The following SLC5A3 variants were observed in gnomAD, a reference collection of about 807,000 sequenced individuals.
The protein encoded by SLC5A3 is solute carrier family 5 member 3.
A neutral mutation model predicts 43.2 loss-of-function variants in SLC5A3; 10 were observed. The ratio of observed to expected loss-of-function variants is 0.23; its 90% confidence interval spans 0.14 to 0.39. The LOEUF (loss-of-function observed/expected upper bound fraction) is 0.39, where lower values mean the gene tolerates loss of function less well. SLC5A3 is among the 10% of genes least tolerant of loss of function. The probability of loss-of-function intolerance (pLI) is 1.00; values close to 1 mark genes in which losing one functional copy is unlikely to be tolerated. For synonymous variants in SLC5A3, 349 were observed against 322.0 expected, an observed-to-expected ratio of 1.08 and a Z score of -0.90; for missense variants, 608 against 893.4, an observed-to-expected ratio of 0.68 and a Z score of 4.07.
chr21:34,084,009 C>T (rs2148654508), intron 1 of SLC5A3, among the ~76,000 whole-genome samples: 1 of 152,300 alleles, frequency 6.6e-6, no homozygotes, highest in South Asian at 2.1e-4. Context: ...AATCCAGCTG[C>T]CTTTATAATC....
rs777700354 is a variant in SLC5A3, at chr21:34,102,068, T to C, written c.*4713T>C. On this transcript the variant is annotated 3_prime_UTR_variant, in exon 2 of 2. Transcript: ENST00000381151. ...GGATTGTGAAAAGGTAATCTTTCGA[T>C]TGCTAGACTTGGTTAACTTAGGGCT... 26 of 999,932 alleles carry C rather than the reference T, an allele frequency of 2.6e-5. No homozygotes were observed. The highest frequency in any genetic ancestry group is 2.9e-5 in the Non-Finnish European group (24 of 829,814). The allele number at this position is 999,932 out of a possible 1,614,324, so 61.9% of individuals were successfully genotyped here.
intron 1 of SLC5A3, among the ~76,000 whole-genome samples, chr21:34,076,350 C>T (rs1238804074): frequency 6.6e-6 from 1 of 152,136 alleles, no homozygotes; most frequent in Admixed American, 6.5e-5. Context: ...AATACAGGCC[C>T]TGTGTTGGCT....
rs1391534664 is a variant in SLC5A3 at position 34,106,190 on chromosome 21, C to CTG, written c.*8836_*8837dup. 2.4e-4 allele frequency: 236 copies of CTG among 979,650 alleles called. No homozygotes were observed. Among genetic ancestry groups the CTG allele is most frequent in the Non-Finnish European group, 2.7e-5 (22 of 811,222 alleles). 60.7% of individuals were successfully genotyped at this position (979,650 alleles called of 1,614,324 possible). On this transcript the variant is annotated 3_prime_UTR_variant, in exon 2 of 2. Transcript: ENST00000381151. ...CTTTCTGTGGTATTTTGTCCTGTAA[C>CTG]TGAAGTATAGTAATTATTTTATGGA...
At chr21:34,092,769 C>G (rs531530878) in intron 1 of SLC5A3, among the ~76,000 whole-genome samples, 8 of 152,166 alleles carry the variant, frequency 5.3e-5, no homozygotes, top group Non-Finnish European at 1.2e-4. Flanking sequence ...CTATTTCCCC[C>G]CCAACGGCCA....
rs767076797 is a variant in SLC5A3, at chr21:34,104,044, A to G, written c.*6689A>G. The G allele has an allele frequency of 1.0e-4, 100 of 1,000,034 alleles. No individual in the cohort carries two copies. The highest frequency in any genetic ancestry group is 6.8e-4 in the Admixed American group (11 of 16,248). The allele number at this position is 1,000,034 out of a possible 1,614,324, so 61.9% of individuals were successfully genotyped here. The stretch of plus-strand genomic sequence containing the variant: ...ACAGTGCCCCCCCAAACATGCAGAA[A>G]GTCATACTTTAACAGGGCAAATACT... On this transcript the variant is annotated 3_prime_UTR_variant, in exon 2 of 2. Coordinates refer to ENST00000381151, the MANE Select transcript of SLC5A3 (RefSeq NM_006933.7).
intron 1 of SLC5A3, among the ~76,000 whole-genome samples, chr21:34,092,811 T>C (rs551537819): frequency 2.0e-5 from 3 of 152,252 alleles, no homozygotes; most frequent in East Asian, 3.9e-4. Context: ...TGTGTTTTTC[T>C]CTCCCTTCTT....
chr21:34,081,571 G>A (rs1989460120), intron 1 of SLC5A3, among the ~76,000 whole-genome samples: 1 of 152,168 alleles, frequency 6.6e-6, no homozygotes, highest in Admixed American at 6.5e-5. Context: ...AGACTAGAAG[G>A]AGCTTTAGAG....
Position 34,099,100 on chromosome 21 carries a change from A to C in SLC5A3, c.*1745A>C. On this transcript the variant is annotated 3_prime_UTR_variant, in exon 2 of 2. Coordinates refer to ENST00000381151, the MANE Select transcript of SLC5A3 (RefSeq NM_006933.7). The stretch of plus-strand genomic sequence containing the variant: ...GGTAGCATAGTGTCTTCCCATGATC[A>C]GGAGGCTTTCTGAAGGACTGAGTCT... 1.0e-6 allele frequency: 1 copy of C among 999,792 alleles called. No homozygotes were observed. The highest frequency in any genetic ancestry group is 1.7e-5 in the African/African-American group (1 of 57,354). 61.9% of individuals were successfully genotyped at this position (999,792 alleles called of 1,614,324 possible). A position where few individuals can be genotyped will look rare whatever the true frequency, so the allele number is the denominator to read the frequency against.
intron 1 of SLC5A3, 122 bp downstream of exon 1, chr21:34,073,867 CG>C: frequency 2.1e-6 from 1 of 466,018 alleles, no homozygotes. Context: ...CGGAGGAGGC[CG>C]GGGCGGCGGG....
Position 34,100,842 on chromosome 21 carries a change from A to T in SLC5A3, c.*3487A>T, listed in dbSNP as rs1569418380. On this transcript the variant is annotated 3_prime_UTR_variant, in exon 2 of 2. Transcript: ENST00000381151. ...TTGGTGTGGCCTGTGGGTTATTTTC[A>T]TTCTTTACCACCAAATAAAGCGGCT... is the stretch of plus-strand genomic sequence containing the variant. 1 of 999,978 alleles carries T rather than the reference A, an allele frequency of 1.0e-6. No individual in the cohort carries two copies. The highest frequency in any genetic ancestry group is 1.2e-6 in the Non-Finnish European group (1 of 829,918). 61.9% of individuals were successfully genotyped at this position (999,978 alleles called of 1,614,324 possible).
intron 1 of SLC5A3, among the ~76,000 whole-genome samples, chr21:34,075,276 A>G (rs1049972651): frequency 1.3e-5 from 2 of 152,204 alleles, no homozygotes; most frequent in Non-Finnish European, 2.9e-5. Flanking sequence ...ACCTGTAGGC[A>G]ATAATATTTG....
chr21:34,095,940 C>A lies in SLC5A3; in HGVS notation c.742C>A (p.Leu248Met). 4 of 1,614,098 alleles carry A rather than the reference C, an allele frequency of 2.5e-6. No homozygotes were observed. The highest frequency in any genetic ancestry group is 2.5e-6 in the Non-Finnish European group (3 of 1,180,000). Residue 248 changes from leucine to methionine, a missense_variant, in exon 2 of 2, where the codon CTG becomes ATG. Coordinates refer to ENST00000381151, the MANE Select transcript of SLC5A3 (RefSeq NM_006933.7). ...SCNVSPKKEA[L>M]KMLRNPTDED... ...TAATGTCTCCCCTAAGAAAGAAGCC[C>A]TGAAAATGCTGCGGAATCCAACAGA...
chr21:34,096,366 T>A lies in SLC5A3; in HGVS notation c.1168T>A (p.Phe390Ile). The change falls in exon 2 of 2, where the codon TTC becomes ATC. Residue 390 changes from phenylalanine (F) to isoleucine (I), a missense_variant. Phe to Ile is a conservative substitution (Grantham distance 21). Transcript: ENST00000381151. This position sits in a 1 kb window ranked among gnomAD's most constrained non-coding sequence, Gnocchi z 5.9. ...TATCTTTAACAGTGCCAGTACCATA[T>A]TCACCCTCGATGTGTACAAACTTAT... ...DSIFNSASTI[F>I]TLDVYKLIRK... 1 of 1,614,160 alleles carries A rather than the reference T, an allele frequency of 6.2e-7. No individual in the cohort carries two copies.
chr21:34,074,983 T>C (rs930454161), intron 1 of SLC5A3, among the ~76,000 whole-genome samples: 3 of 152,230 alleles, frequency 2.0e-5, no homozygotes, highest in African/African-American at 7.2e-5. Flanking sequence ...CCCAGCTTGT[T>C]CTTCATGGAT....
Position 34,099,136 on chromosome 21 carries a change from AAAT to A in SLC5A3, c.*1785_*1787del, listed in dbSNP as rs1979112534. 8 of 999,548 alleles carry A rather than the reference AAAT, an allele frequency of 8.0e-6. No individual in the cohort carries two copies. The highest frequency in any genetic ancestry group is 9.6e-6 in the Non-Finnish European group (8 of 829,754). The allele number at this position is 999,548 out of a possible 1,614,324, so 61.9% of individuals were successfully genotyped here. ...TGAAGGACTGAGTCTGTAAATGAAA[AAAT>A]AATTTATGTATGAATAGCATGTATT... On this transcript the variant is annotated 3_prime_UTR_variant, in exon 2 of 2. Transcript: ENST00000381151.
In SLC5A3 at chr21:34,101,410, G is replaced by C. The variant is rs955278330; in HGVS notation, c.*4055G>C. The C allele has an allele frequency of 3.0e-6, 3 of 1,000,028 alleles. No homozygotes were observed. In the African/African-American group the frequency reaches 5.2e-5, roughly 17 times the overall value. The allele number at this position is 1,000,028 out of a possible 1,614,324, so 61.9% of individuals were successfully genotyped here. A position where few individuals can be genotyped will look rare whatever the true frequency, so the allele number is the denominator to read the frequency against. On this transcript the variant is annotated 3_prime_UTR_variant, in exon 2 of 2. Coordinates refer to ENST00000381151, the MANE Select transcript of SLC5A3 (RefSeq NM_006933.7). ...ATAATTTAGTAGAAAAATGCTTTGA[G>C]GCTTCAGTATTTGTAAGATTTTGCA...
In SLC5A3 at chr21:34,103,485, T is replaced by A; in HGVS notation, c.*6130T>A. On this transcript the variant is annotated 3_prime_UTR_variant, in exon 2 of 2. Coordinates refer to ENST00000381151, the MANE Select transcript of SLC5A3 (RefSeq NM_006933.7). Reference sequence around the variant, plus strand: ...GTTCTGTGATCTTAATTTTGTTGTGTTTCCATTGTAGGTTGATAGGTATAT... The same window carrying A: ...GTTCTGTGATCTTAATTTTGTTGTGATTCCATTGTAGGTTGATAGGTATAT... 3.0e-6 allele frequency: 3 copies of A among 999,260 alleles called. No individual in the cohort carries two copies. The highest frequency in any genetic ancestry group is 3.6e-6 in the Non-Finnish European group (3 of 829,068). The allele number at this position is 999,260 out of a possible 1,614,324, so 61.9% of individuals were successfully genotyped here.
Position 34,104,941 on chromosome 21 carries a change from G to A in SLC5A3, c.*7586G>A, listed in dbSNP as rs903729461. The stretch of plus-strand genomic sequence containing the variant: ...ATTTCATGGAGAACTGCTTTAATTA[G>A]CCTAGGTGAAAAGTAGTCCTAGCAG... On this transcript the variant is annotated 3_prime_UTR_variant, in exon 2 of 2. Coordinates refer to ENST00000381151, the MANE Select transcript of SLC5A3 (RefSeq NM_006933.7). 1.0e-6 allele frequency: 1 copy of A among 999,640 alleles called. No homozygotes were observed. Among genetic ancestry groups the A allele is most frequent in the Non-Finnish European group, 1.2e-6 (1 of 829,448 alleles). 61.9% of individuals were successfully genotyped at this position (999,640 alleles called of 1,614,324 possible).
At chr21:34,076,213 G>A (rs549242659) in intron 1 of SLC5A3, among the ~76,000 whole-genome samples, 1 of 152,120 alleles carries the variant, frequency 6.6e-6, no homozygotes, top group Non-Finnish European at 1.5e-5. Context: ...TTTTTTCTCC[G>A]CAGTACTCAG....
Sources: gnomAD v4.1 joint callset for allele counts (sites outside exome capture counted in the v4.1 genomes callset) on GRCh38, gnomAD v4.1.1 for gene constraint, Gnocchi (gnomAD v3.1) non-coding constraint, MANE v1.5 for transcripts, NCBI Gene and HGNC (gene_info 2026-07-23, HGNC 2026-07-21) for gene names.